The following AGBL4 variants were observed in gnomAD, a reference collection of about 807,000 sequenced individuals.
AGBL4 encodes the protein AGBL carboxypeptidase 4.
A neutral mutation model predicts 66.4 loss-of-function variants in AGBL4; 58 were observed. That is an observed-to-expected ratio of 0.87 (90% CI 0.71 to 1.09). The LOEUF is 1.09. Among genes scored for constraint, AGBL4 ranks in the 50% least tolerant of loss-of-function variants. The probability of loss-of-function intolerance (pLI) is 0.00; values close to 1 mark genes in which losing one functional copy is unlikely to be tolerated. For synonymous variants in AGBL4, 234 were observed against 222.9 expected, an observed-to-expected ratio of 1.05 and a Z score of -0.44; for missense variants, 579 against 631.0, an observed-to-expected ratio of 0.92 and a Z score of 0.88.
intron 3 of AGBL4, among the ~76,000 whole-genome samples, chr1:49,263,245 T>C (rs1161555305): frequency 8.6e-6 from 1 of 116,620 alleles, no homozygotes; most frequent in Non-Finnish European, 2.2e-5. Context: ...GCATGGCACA[T>C]GTATACATAT....
chr1:48,650,305 G>A (rs1452525942), intron 8 of AGBL4, among the ~76,000 whole-genome samples: 1 of 152,206 alleles, frequency 6.6e-6, no homozygotes, highest in Non-Finnish European at 1.5e-5. Flanking sequence ...CGTCCAGAGG[G>A]AGATGTTGAG....
intron 3 of AGBL4, among the ~76,000 whole-genome samples, chr1:49,501,342 G>A (rs905837200): frequency 3.3e-5 from 5 of 152,120 alleles, no homozygotes; most frequent in African/African-American, 9.6e-5. Flanking sequence ...TCTGGCTGGT[G>A]GTTATTGGAG....
At chr1:49,481,615 A>C (rs572812474) in intron 3 of AGBL4, among the ~76,000 whole-genome samples, 18 of 151,862 alleles carry the variant, frequency 1.2e-4, no homozygotes, top group Admixed American at 5.2e-4. Context: ...AATACCCTTT[A>C]TTTCTTTCTC....
At chr1:49,848,499 C>A (rs929868071) in intron 2 of AGBL4, among the ~76,000 whole-genome samples, 1 of 152,138 alleles carries the variant, frequency 6.6e-6, no homozygotes, top group Admixed American at 6.5e-5. Flanking sequence ...AGAATTAAAT[C>A]ATATCTTTTG....
intron 5 of AGBL4, among the ~76,000 whole-genome samples, chr1:48,914,890 A>G (rs2148885586): frequency 6.6e-6 from 1 of 152,280 alleles, no homozygotes; most frequent in East Asian, 1.9e-4. Context: ...GAACTTTCAT[A>G]TATCTCAGTA....
chr1:49,225,114 C>A (rs1649810552), intron 4 of AGBL4, among the ~76,000 whole-genome samples: 1 of 152,184 alleles, frequency 6.6e-6, no homozygotes, highest in South Asian at 2.1e-4. Context: ...TCCTTTCATT[C>A]ACTAGTTTAT....
intron 4 of AGBL4, among the ~76,000 whole-genome samples, chr1:49,236,003 T>TTTAC (rs1159717886): frequency 1.3e-5 from 2 of 150,602 alleles, no homozygotes; most frequent in African/African-American, 4.9e-5. Context: ...GAAGGATTTA[T>TTTAC]TTATTTATTT....
At chr1:49,609,736 G>A (rs932473273) in intron 3 of AGBL4, among the ~76,000 whole-genome samples, 2 of 151,996 alleles carry the variant, frequency 1.3e-5, no homozygotes, top group African/African-American at 4.8e-5. Flanking sequence ...GTAGCTGTTC[G>A]ATCCCCACCA....
At chr1:48,885,061 G>A (rs1413834534) in intron 5 of AGBL4, among the ~76,000 whole-genome samples, 1 of 152,036 alleles carries the variant, frequency 6.6e-6, no homozygotes, top group Non-Finnish European at 1.5e-5. Flanking sequence ...TTACTTGACT[G>A]GGTGCTGGAA....
Position 49,921,127 on chromosome 1 carries a change from T to C in AGBL4, c.35-69609A>G, listed in dbSNP as rs1020365512. Reference sequence around the variant, plus strand: ...ATGGGGGAGGGACAGCATTAGGAGATATACCTAACGTAAATGATGAGTTAA... The same window carrying C: ...ATGGGGGAGGGACAGCATTAGGAGACATACCTAACGTAAATGATGAGTTAA... On this transcript the variant is annotated intron_variant, in intron 1 of 13. Transcript: ENST00000371839. 4.6e-5 allele frequency among the ~76,000 whole-genome samples: 7 copies of C among 151,986 alleles called. No individual in the cohort carries two copies. In the East Asian group the frequency reaches 9.7e-4, roughly 21 times the overall value.
chr1:48,685,937 A>G (rs1267204719), intron 6 of AGBL4, among the ~76,000 whole-genome samples: 1 of 152,170 alleles, frequency 6.6e-6, no homozygotes, highest in Non-Finnish European at 1.5e-5. Context: ...GTCATGCATC[A>G]TTTGCCTTTC....
At chr1:48,618,845 C>T (rs761392238) in intron 9 of AGBL4, among the ~76,000 whole-genome samples, 1 of 151,714 alleles carries the variant, frequency 6.6e-6, no homozygotes, top group Non-Finnish European at 1.5e-5. Context: ...AGTGGGGTGC[C>T]CAAGGTAATG....
At chr1:48,633,078 G>A (rs1283418891) in intron 9 of AGBL4, among the ~76,000 whole-genome samples, 1 of 152,184 alleles carries the variant, frequency 6.6e-6, no homozygotes, top group South Asian at 2.1e-4. Flanking sequence ...GGATGAGCTG[G>A]CGAAGGAAGC....
In AGBL4 at chr1:49,840,723, C is replaced by T. The variant is rs185113980; in HGVS notation, c.157+10673G>A. Among the ~76,000 whole-genome samples the T allele has an allele frequency of 5.2e-4, 79 of 152,166 alleles. 6 individuals carry two copies. The highest frequency in any genetic ancestry group is 1.5e-5 in the Non-Finnish European group (1 of 68,024). On this transcript the variant is annotated intron_variant, in intron 2 of 13. Transcript: ENST00000371839. ...TGAAGTCAATAAGTGTTATCTACCA[C>T]ATGAACAGAATTAAAAGCAAAAATC...
At chr1:49,703,005 C>T (rs1647129200) in intron 2 of AGBL4, among the ~76,000 whole-genome samples, 1 of 152,046 alleles carries the variant, frequency 6.6e-6, no homozygotes, top group South Asian at 2.1e-4. Flanking sequence ...AAAGACTGAA[C>T]ATTATCCCTC....
chr1:48,743,038 G>T (rs1650166656), intron 6 of AGBL4, among the ~76,000 whole-genome samples: 1 of 152,208 alleles, frequency 6.6e-6, no homozygotes, highest in Admixed American at 6.5e-5. Context: ...TGTCTAAATG[G>T]AAAGGCAGGG....
intron 3 of AGBL4, among the ~76,000 whole-genome samples, chr1:49,435,010 G>A (rs991680871): frequency 6.6e-6 from 1 of 151,880 alleles, no homozygotes; most frequent in Admixed American, 6.6e-5. Flanking sequence ...CAGATTAGCT[G>A]TCTCCTTCTC....
At chr1:49,971,634 C>T (rs887462499) in intron 1 of AGBL4, among the ~76,000 whole-genome samples, 1 of 151,922 alleles carries the variant, frequency 6.6e-6, no homozygotes, top group South Asian at 2.1e-4. Flanking sequence ...TGCTGTCATA[C>T]CTTAAACTAC....
intron 5 of AGBL4, among the ~76,000 whole-genome samples, chr1:49,006,895 AC>A (rs1435286235): frequency 7.6e-6 from 1 of 132,424 alleles, no homozygotes; most frequent in Non-Finnish European, 1.6e-5. Context: ...ATCATCAAAG[AC>A]CAAAAGTAGA....
Sources: gnomAD v4.1 joint callset for allele counts (sites outside exome capture counted in the v4.1 genomes callset) on GRCh38, gnomAD v4.1.1 for gene constraint, MANE v1.5 for transcripts, NCBI Gene and HGNC (gene_info 2026-07-23, HGNC 2026-07-21) for gene names.